The following PPFIBP2 variants were observed in gnomAD, a reference collection of about 807,000 sequenced individuals.
The protein encoded by PPFIBP2 is PPFIB scaffold protein 2, also known as liprin-beta-2.
A neutral mutation model predicts 118.3 loss-of-function variants in PPFIBP2; 118 were observed. The ratio of observed to expected loss-of-function variants is 1.00; its 90% CI spans 0.86 to 1.16. The LOEUF (loss-of-function observed/expected upper bound fraction) is 1.16, where lower values mean the gene tolerates loss of function less well. PPFIBP2 is among the 50% of genes most tolerant of loss of function. The pLI is 0.00. For synonymous variants in PPFIBP2, 414 were observed against 397.4 expected (o/e 1.04, Z -0.50); for missense variants, 1,195 against 1,073.1 (o/e 1.11, Z -1.59).
chr11:7,570,040 C>A (rs1855481106), intron 3 of PPFIBP2, among the ~76,000 whole-genome samples: 1 of 152,168 alleles, frequency 6.6e-6, no homozygotes, highest in Non-Finnish European at 1.5e-5. Context: ...CTGGCCCAGG[C>A]AAGAAGGACC....
At chr11:7,647,086 G>T (rs1278025231) in intron 17 of PPFIBP2, among the ~76,000 whole-genome samples, 1 of 152,022 alleles carries the variant, frequency 6.6e-6, no homozygotes, top group Non-Finnish European at 1.5e-5. Context: ...TCTAACATTT[G>T]ATCTAAAATG....
At position 7,629,469 on chromosome 11, in the gene PPFIBP2, T is replaced by C. The variant is rs753318664; in HGVS notation, c.899T>C (p.Ile300Thr). Residue 300 changes from isoleucine (I) to threonine (T), a missense_variant, in exon 10 of 24, where the codon ATA (isoleucine) becomes ACA (threonine). By Grantham distance (89) the Ile-to-Thr change is moderately conservative (BLOSUM62 -1). Coordinates refer to ENST00000299492, the MANE Select transcript of PPFIBP2 (RefSeq NM_003621.5). ...LLANEDKDRRIEELTGLLNQY... is the reference protein window; with the variant it reads ...LLANEDKDRRTEELTGLLNQY... The stretch of plus-strand genomic sequence containing the variant: ...CTTGCACTATGGCAGGACCGTCGGA[T>C]AGAGGAGCTTACGGGGCTGTTAAAC... The C allele has an allele frequency of 3.1e-6, 5 of 1,613,984 alleles. No homozygotes were observed. The South Asian group carries it at 3.3e-5, about 11-fold the overall frequency.
chr11:7,633,058 T>G, intron 12 of PPFIBP2, 124 bp downstream of exon 12: 1 of 841,476 alleles, frequency 1.2e-6, no homozygotes, highest in East Asian at 2.7e-5. Context: ...CACCTGCCCC[T>G]CTGTTGTTAG....
chr11:7,544,506 G>A (rs1374525248), intron 1 of PPFIBP2, among the ~76,000 whole-genome samples: 3 of 151,972 alleles, frequency 2.0e-5, no homozygotes, highest in African/African-American at 4.8e-5. Flanking sequence ...TCTACATCCC[G>A]GTTCACGCCT....
At chr11:7,656,934 G>C, downstream of PPFIBP2, 1 of 565,992 alleles carries the variant, frequency 1.8e-6, no homozygotes, top group Admixed American at 2.4e-5. Context: ...CTGCTGACAG[G>C]CATGAAGCAG....
intron 3 of PPFIBP2, among the ~76,000 whole-genome samples, chr11:7,592,546 A>G (rs989191460): frequency 7.1e-6 from 1 of 140,760 alleles, no homozygotes; most frequent in Non-Finnish European, 1.6e-5. Context: ...CAAAGCTCTT[A>G]TTGGAGGGTG....
intron 5 of PPFIBP2, chr11:7,605,731 G>T (rs1847260377): frequency 7.4e-7 from 1 of 1,346,872 alleles, no homozygotes; most frequent in African/African-American, 1.5e-5. Context: ...GTAACTAGTG[G>T]CCGCAGAAGA....
intron 3 of PPFIBP2, among the ~76,000 whole-genome samples, chr11:7,572,961 G>A (rs554205743): frequency 2.0e-5 from 3 of 152,238 alleles, no homozygotes; most frequent in Admixed American, 1.3e-4. Flanking sequence ...TGTATTTTTC[G>A]TAGAGACGGT....
chr11:7,616,899 G>A lies in PPFIBP2; in HGVS notation c.619-4036G>A, dbSNP rs1848717836. Among the ~76,000 whole-genome samples the A allele has an allele frequency of 6.6e-6, 1 of 151,994 alleles. No homozygotes were observed. Among genetic ancestry groups the A allele is most frequent in the Non-Finnish European group, 1.5e-5 (1 of 68,018 alleles). On this transcript the variant is annotated intron_variant, in intron 6 of 23. Coordinates refer to ENST00000299492, the MANE Select transcript of PPFIBP2 (RefSeq NM_003621.5). This position sits in a 1 kb window ranked among gnomAD's most constrained non-coding sequence, Gnocchi z 5.2. ...GAGCTGTTGGGGATTTGTTCGAACTGCAAGACAGGCATCTGGATGGGGCAG... is the reference window on the plus strand; with the variant it reads ...GAGCTGTTGGGGATTTGTTCGAACTACAAGACAGGCATCTGGATGGGGCAG...
chr11:7,620,937 G>T lies in PPFIBP2; in HGVS notation c.621G>T (p.Glu207Asp). 6.2e-7 allele frequency: 1 copy of T among 1,602,530 alleles called. No homozygotes were observed. Among genetic ancestry groups the T allele is most frequent in the Non-Finnish European group, 8.6e-7 (1 of 1,169,496 alleles). ...EQEEKQRKAE[E>D]LLQELRHLKI... ...TGTCTTTCTCCCTCATCCCCTAGGA[G>T]TTACTGCAAGAGCTCAGGCACCTCA... Residue 207 changes from glutamate to aspartate, a missense_variant and splice_region_variant, in exon 7 of 24, where the codon GAG (glutamate) becomes GAT (aspartate). Transcript: ENST00000299492.
chr11:7,598,808 G>A (rs540426267), intron 5 of PPFIBP2, among the ~76,000 whole-genome samples: 1 of 152,116 alleles, frequency 6.6e-6, no homozygotes, highest in East Asian at 1.9e-4. Flanking sequence ...GTGAACACAG[G>A]CTTTGCATTT....
chr11:7,515,362 A>G (rs1849141585), intron 1 of PPFIBP2, among the ~76,000 whole-genome samples: 1 of 152,240 alleles, frequency 6.6e-6, no homozygotes, highest in African/African-American at 2.4e-5. Context: ...TAAGCTGCTT[A>G]CCATGATGCC....
intron 3 of PPFIBP2, among the ~76,000 whole-genome samples, chr11:7,568,497 C>A (rs572393010): frequency 6.6e-6 from 1 of 152,284 alleles, no homozygotes; most frequent in African/African-American, 2.4e-5. Context: ...TCTCTGCAAC[C>A]CCCTAGCAGA....
Position 7,635,706 on chromosome 11 carries a change from G to A in PPFIBP2, c.1236+113G>A. The A allele has an allele frequency of 1.7e-6, 2 of 1,144,870 alleles. 1 individual carries two copies. The highest frequency in any genetic ancestry group is 4.1e-5 in the Admixed American group (2 of 48,440). 70.9% of individuals were successfully genotyped at this position (1,144,870 alleles called of 1,614,324 possible). On this transcript the variant is annotated intron_variant, in intron 14 of 23. Coordinates refer to ENST00000299492, the MANE Select transcript of PPFIBP2 (RefSeq NM_003621.5). Reference sequence around the variant, plus strand: ...AAAATGTGCCAACTGTAAGGAGTAAGAGGGCAAGAGGAAAGACGCAACTTT... The same window carrying A: ...AAAATGTGCCAACTGTAAGGAGTAAAAGGGCAAGAGGAAAGACGCAACTTT...
downstream of PPFIBP2, chr11:7,655,272 C>A (rs960999847): frequency 3.6e-5 from 15 of 416,876 alleles, no homozygotes; most frequent in Non-Finnish European, 6.5e-5. Context: ...ATGTGCTCCA[C>A]CCACCTGTCA....
rs776130525 is a variant in PPFIBP2 at position 7,565,612 on chromosome 11, G to T, written c.124G>T (p.Ala42Ser). 85 of 1,614,054 alleles carry T rather than the reference G, an allele frequency of 5.3e-5. No individual in the cohort carries two copies. In the South Asian group the frequency reaches 9.0e-4, roughly 17 times the overall value. The change falls in exon 3 of 24, where the codon GCC becomes TCC. Residue 42 changes from alanine (A) to serine (S), a missense_variant. Coordinates refer to ENST00000299492, the MANE Select transcript of PPFIBP2 (RefSeq NM_003621.5). ...GTCEPGLASP[A>S]SYMNPFPVLH... Reference sequence around the variant, plus strand: ...TTGTGAGCCTGGACTGGCTTCCCCGGCCTCCTACATGAACCCCTTCCCGGT... The same window carrying T: ...TTGTGAGCCTGGACTGGCTTCCCCGTCCTCCTACATGAACCCCTTCCCGGT...
chr11:7,539,591 C>T (rs941603485), intron 1 of PPFIBP2: 8 of 152,492 alleles, frequency 5.2e-5, no homozygotes, highest in African/African-American at 1.9e-4. Flanking sequence ...GGGAGCTGAG[C>T]TCCGGGGTCA....
downstream of PPFIBP2, chr11:7,655,328 AT>A: frequency 1.2e-6 from 1 of 824,862 alleles, no homozygotes; most frequent in Non-Finnish European, 1.7e-6. Flanking sequence ...CCAGAGAAGC[AT>A]GCCCTGGAGA....
At chr11:7,591,283 C>G (rs1446130527) in intron 3 of PPFIBP2, among the ~76,000 whole-genome samples, 161 of 151,834 alleles carry the variant, frequency 1.1e-3, no homozygotes, top group African/African-American at 2.9e-3. Context: ...TCATTTCCTG[C>G]CAGAGAATGG....
Sources: gnomAD v4.1 joint callset for allele counts (sites outside exome capture counted in the v4.1 genomes callset) on GRCh38, gnomAD v4.1.1 for gene constraint, Gnocchi (gnomAD v3.1) non-coding constraint, MANE v1.5 for transcripts, NCBI Gene and HGNC (gene_info 2026-07-23, HGNC 2026-07-21) for gene names.